Variants in TEX2 observed in about 807,000 individuals in gnomAD.
TEX2 encodes the protein testis expressed 2.
Under a neutral mutation model 106.9 loss-of-function variants are expected in TEX2, and 53 were observed. That is an observed-to-expected ratio of 0.50 (90% CI 0.40 to 0.62). The LOEUF is 0.62. Ranked by LOEUF, TEX2 falls within the 20% of genes least tolerant of loss-of-function variation. The probability of loss-of-function intolerance (pLI) is 0.00; values close to 1 mark genes in which losing one functional copy is unlikely to be tolerated. For missense variants in TEX2, 1,207 were observed against 1,379.0 expected, an observed-to-expected ratio of 0.88 and a Z score of 1.98; for synonymous variants, 523 against 534.8, an observed-to-expected ratio of 0.98 and a Z score of 0.30.
intron 2 of TEX2, among the ~76,000 whole-genome samples, chr17:64,196,261 G>A (rs1254336990): frequency 6.6e-6 from 1 of 152,206 alleles, no homozygotes; most frequent in Non-Finnish European, 1.5e-5. Flanking sequence ...ATCCAAAGGT[G>A]CCTCCAAAAG....
chr17:64,217,551 A>T lies in TEX2; in HGVS notation c.-25-3309T>A, dbSNP rs2033222367. On this transcript the variant is annotated intron_variant, in intron 1 of 11. Transcript: ENST00000584379. This position sits in a 1 kb window ranked among gnomAD's most constrained non-coding sequence, Gnocchi z 4.3. ...TCATGGACAGCTCACTTACAAGCTA[A>T]GACCTCAGTTCTCAACCAGCAGCAT... Among the ~76,000 whole-genome samples, 1 of 152,218 alleles carries T rather than the reference A, an allele frequency of 6.6e-6. No individual in the cohort carries two copies. The highest frequency in any genetic ancestry group is 6.5e-5 in the Admixed American group (1 of 15,286).
At chr17:64,188,473 C>T (rs766623959) in intron 4 of TEX2, 58 bp from the exon 5 acceptor site, 87 of 1,507,804 alleles carry the variant, frequency 5.8e-5, no homozygotes, top group Middle Eastern at 3.5e-4. Context: ...GCAAAGTAAG[C>T]GGACTCCCTG....
At position 64,188,355 on chromosome 17, in the gene TEX2, C is replaced by T; in HGVS notation, c.2237G>A (p.Ser746Asn). 6.2e-7 allele frequency: 1 copy of T among 1,614,228 alleles called. No homozygotes were observed. The highest frequency in any genetic ancestry group is 8.5e-7 in the Non-Finnish European group (1 of 1,180,032). The change falls in exon 5 of 12, where the codon AGC becomes AAC. Residue 746 changes from serine to asparagine, a missense_variant. Physicochemically the swap from Ser to Asn is conservative, Grantham distance 46. Coordinates refer to ENST00000584379, the MANE Select transcript of TEX2 (RefSeq NM_001288732.2). Reference protein sequence around the residue: ...SPSGHLTHSRSSSKGSVEEIM... With the variant: ...SPSGHLTHSRNSSKGSVEEIM... Reference sequence around the variant, plus strand: ...CTCCTCCACACTGCCTTTGCTGCTGCTGCGGCTGTGGGTCAGGTGCCCGGA... The same window carrying T: ...CTCCTCCACACTGCCTTTGCTGCTGTTGCGGCTGTGGGTCAGGTGCCCGGA...
intron 2 of TEX2, among the ~76,000 whole-genome samples, chr17:64,209,762 C>G (rs1379029049): frequency 2.6e-5 from 4 of 152,240 alleles, no homozygotes; most frequent in Non-Finnish European, 5.9e-5. Context: ...GCTAACTGAA[C>G]AGGGTTGTGA....
At position 64,150,944 on chromosome 17, in the gene TEX2, G is replaced by A; in HGVS notation, c.3158C>T (p.Pro1053Leu). 5.0e-6 allele frequency: 8 copies of A among 1,613,852 alleles called. No individual in the cohort carries two copies. The highest frequency in any genetic ancestry group is 6.8e-6 in the Non-Finnish European group (8 of 1,179,896). Residue 1053 changes from proline to leucine, a missense_variant, in exon 11 of 12, where the codon CCA becomes CTA. Physicochemically the swap from Pro to Leu is moderately conservative, Grantham distance 98. Coordinates refer to ENST00000584379, the MANE Select transcript of TEX2 (RefSeq NM_001288732.2). ...TDRVWYGFRK[P>L]PHVELKARPK... ...CCGAGCTTTCAGCTCCACATGTGGTGGCTTTCGGAAACCATACCTTTTTGA... is the reference window on the plus strand; with the variant it reads ...CCGAGCTTTCAGCTCCACATGTGGTAGCTTTCGGAAACCATACCTTTTTGA...
intron 1 of TEX2, among the ~76,000 whole-genome samples, chr17:64,225,495 T>C (rs551590652): frequency 6.6e-6 from 1 of 152,244 alleles, no homozygotes; most frequent in East Asian, 1.9e-4. Context: ...CTTGAATTTA[T>C]ATTTAAATCT....
chr17:64,179,868 C>T (rs551726100), intron 5 of TEX2, among the ~76,000 whole-genome samples: 1 of 152,286 alleles, frequency 6.6e-6, no homozygotes, highest in Non-Finnish European at 1.5e-5. Context: ...ATTATTCTCT[C>T]TGGGCTTTTC....
intron 7 of TEX2, among the ~76,000 whole-genome samples, chr17:64,162,176 C>A (rs1204520476): frequency 1.3e-5 from 2 of 152,190 alleles, no homozygotes; most frequent in Non-Finnish European, 2.9e-5. Flanking sequence ...ACTCACAAAA[C>A]TGTTGTATTT....
chr17:64,172,542 C>A (rs9916486), intron 6 of TEX2, among the ~76,000 whole-genome samples: 108,010 of 151,714 alleles, frequency 0.71, 38,552 homozygotes, highest in East Asian at 0.82. Flanking sequence ...TGGGGAGGCA[C>A]ACGGAGAAGA....
rs1013394652 is a variant in TEX2 at position 64,195,404 on chromosome 17, G to A, written c.1645-309C>T. ...CAGGAAACTCAGAAGATTTGTTCAT[G>A]TGACTGAGCAAGCCTCTCTGCCTGA... On this transcript the variant is annotated intron_variant, in intron 2 of 11. Coordinates refer to ENST00000584379, the MANE Select transcript of TEX2 (RefSeq NM_001288732.2). This position sits in a 1 kb window ranked among gnomAD's most constrained non-coding sequence, Gnocchi z 4.1. Among the ~76,000 whole-genome samples the A allele has an allele frequency of 3.9e-5, 6 of 152,272 alleles. No individual in the cohort carries two copies. The highest frequency in any genetic ancestry group is 1.2e-4 in the African/African-American group (5 of 41,542).
At chr17:64,261,304 CTTT>C (rs2143543668) in intron 1 of TEX2, among the ~76,000 whole-genome samples, 1 of 152,208 alleles carries the variant, frequency 6.6e-6, no homozygotes, top group East Asian at 1.9e-4. Context: ...TAAATAATTT[CTTT>C]TTTAACTCCA....
intron 1 of TEX2, among the ~76,000 whole-genome samples, chr17:64,240,589 C>T (rs1402745950): frequency 6.6e-6 from 1 of 152,172 alleles, no homozygotes; most frequent in African/African-American, 2.4e-5. Flanking sequence ...AGGCAAGTGA[C>T]AGAAACTTTC....
intron 2 of TEX2, among the ~76,000 whole-genome samples, chr17:64,208,221 GTTTTGT>G (rs149317822): frequency 0.075 from 11,338 of 152,166 alleles, 513 homozygotes; most frequent in Non-Finnish European, 0.11. Context: ...AAGCTTTACT[GTTTTGT>G]TTTTGTTTTT....
intron 11 of TEX2, 180 bp from the exon 12 acceptor site, chr17:64,149,271 C>A: frequency 1.6e-6 from 1 of 626,010 alleles, no homozygotes; most frequent in South Asian, 2.1e-5. Context: ...GGAATCATAC[C>A]AGCGCATGGA....
At position 64,193,600 on chromosome 17, in the gene TEX2, G is replaced by A. The variant is rs150878483; in HGVS notation, c.2135C>T (p.Ser712Leu). The A allele has an allele frequency of 7.4e-5, 106 of 1,440,926 alleles. No individual in the cohort carries two copies. Among genetic ancestry groups the A allele is most frequent in the Non-Finnish European group, 8.4e-5 (91 of 1,088,362 alleles). The allele number at this position is 1,440,926 out of a possible 1,614,324, so 89.3% of individuals were successfully genotyped here. ...RRFILASKLK[S>L]EIKKSSGVSG... ...GACACCCGATGACTTCTTGATTTCC[G>A]ACTTTAGCTTAGATGCCAGAATAAA... The change falls in exon 4 of 12, where the codon TCG becomes TTG. Residue 712 changes from serine (S) to leucine (L), a missense_variant. By Grantham distance (145) the Ser-to-Leu change is moderately radical. Coordinates refer to ENST00000584379, the MANE Select transcript of TEX2 (RefSeq NM_001288732.2).
intron 4 of TEX2, among the ~76,000 whole-genome samples, chr17:64,192,602 A>G (rs1331627507): frequency 6.6e-6 from 1 of 152,222 alleles, no homozygotes; most frequent in Non-Finnish European, 1.5e-5. Context: ...TAGGAAATAA[A>G]TATATCTAGT....
At chr17:64,254,188 G>T (rs1420492588) in intron 1 of TEX2, among the ~76,000 whole-genome samples, 3 of 152,130 alleles carry the variant, frequency 2.0e-5, no homozygotes, top group Non-Finnish European at 4.4e-5. Flanking sequence ...TGAGCCCCAG[G>T]AGACATCATA....
At chr17:64,178,346 G>A (rs1429760647) in intron 5 of TEX2, among the ~76,000 whole-genome samples, 1 of 152,200 alleles carries the variant, frequency 6.6e-6, no homozygotes, top group African/African-American at 2.4e-5. Flanking sequence ...TAAGGTTTAT[G>A]TGGTTGGTGC....
chr17:64,212,949 A>C lies in TEX2; in HGVS notation c.1269T>G (p.Thr423=). The change falls in exon 2 of 12, where the codon ACT becomes ACG. Residue 423 remains threonine (T), a synonymous_variant. Transcript: ENST00000584379. Reference sequence around the variant, plus strand: ...CCTCCGTTTCCAAATCGAAGTCCTCAGTGTACAGTTCACAAAACTCTTCAT... The same window carrying C: ...CCTCCGTTTCCAAATCGAAGTCCTCCGTGTACAGTTCACAAAACTCTTCAT... ...KEDEEFCELY[T]EDFDLETEGE... 6.2e-7 allele frequency: 1 copy of C among 1,614,232 alleles called. No individual in the cohort carries two copies. Among genetic ancestry groups the C allele is most frequent in the African/African-American group, 1.3e-5 (1 of 75,064 alleles).
Sources: gnomAD v4.1 joint callset for allele counts (sites outside exome capture counted in the v4.1 genomes callset) on GRCh38, gnomAD v4.1.1 for gene constraint, Gnocchi (gnomAD v3.1) non-coding constraint, MANE v1.5 for transcripts, NCBI Gene and HGNC (gene_info 2026-07-23, HGNC 2026-07-21) for gene names.